The following CCDC171 variants were observed in gnomAD, a reference collection of about 807,000 sequenced individuals.
The protein encoded by CCDC171 is coiled-coil domain containing 171.
CCDC171 carries 177 observed loss-of-function variants against 168.2 expected under a neutral mutation model. The ratio of observed to expected loss-of-function variants is 1.05; its 90% CI spans 0.93 to 1.19. The LOEUF (loss-of-function observed/expected upper bound fraction) is 1.19, where lower values mean the gene tolerates loss of function less well. CCDC171 is among the 50% of genes most tolerant of loss of function. The probability of loss-of-function intolerance (pLI) is 0.00; values close to 1 mark genes in which losing one functional copy is unlikely to be tolerated. For missense variants in CCDC171, 1,991 were observed against 1,539.0 expected (o/e 1.29, Z -4.91); for synonymous variants, 687 against 540.8 (o/e 1.27, Z -3.75).
intron 3 of CCDC171, among the ~76,000 whole-genome samples, chr9:15,989,856 A>C (rs1211865801): frequency 1.3e-5 from 2 of 152,170 alleles, no homozygotes; most frequent in Admixed American, 1.3e-4. Context: ...AATGAAATGA[A>C]GTGAGAAGAG....
chr9:16,038,524 A>G (rs1272092466), upstream of CCDC171, among the ~76,000 whole-genome samples: 3 of 152,272 alleles, frequency 2.0e-5, no homozygotes, highest in African/African-American at 7.2e-5. Flanking sequence ...ATGTAAGGGT[A>G]ACATCTAAAA....
chr9:15,706,363 C>T (rs1181975387), intron 11 of CCDC171, among the ~76,000 whole-genome samples: 2 of 152,006 alleles, frequency 1.3e-5, no homozygotes, highest in African/African-American at 2.4e-5. Flanking sequence ...AGTCATGGCT[C>T]ACTGCAGTCT....
intron 25 of CCDC171, among the ~76,000 whole-genome samples, chr9:15,967,429 T>G (rs958449768): frequency 5.3e-5 from 8 of 152,256 alleles, no homozygotes; most frequent in African/African-American, 1.9e-4. Context: ...GTTATCTATT[T>G]GGCTTTATTT....
Position 15,779,091 on chromosome 9 carries a change from A to G in CCDC171, c.3022A>G (p.Lys1008Glu). ...TEFKRSVNEM[K>E]KELDKAQGLQ... Reference sequence around the variant, plus strand: ...ATTCAAACGAAGTGTGAATGAAATGAAAAAGGAGCTTGACAAAGCCCAGGG... The same window carrying G: ...ATTCAAACGAAGTGTGAATGAAATGGAAAAGGAGCTTGACAAAGCCCAGGG... Residue 1008 changes from lysine to glutamate, a missense_variant, in exon 20 of 26, where the codon AAA (lysine) becomes GAA (glutamate). Physicochemically the swap from Lys to Glu is moderately conservative, Grantham distance 56. Transcript: ENST00000380701. The G allele has an allele frequency of 1.2e-6, 2 of 1,602,574 alleles. No homozygotes were observed. The highest frequency in any genetic ancestry group is 1.1e-5 in the South Asian group (1 of 87,718).
chr9:16,082,193 T>G, the CCDC171 span, among the ~76,000 whole-genome samples: 1 of 152,246 alleles, frequency 6.6e-6, no homozygotes, highest in African/African-American at 2.4e-5. Flanking sequence ...GGAAAGGTAT[T>G]TCGTGTCTTC....
At chr9:15,882,215 A>G (rs974115835) in intron 24 of CCDC171, among the ~76,000 whole-genome samples, 6 of 152,156 alleles carry the variant, frequency 3.9e-5, no homozygotes, top group Non-Finnish European at 8.8e-5. Context: ...CTTTTCATAT[A>G]CTGTTGACCA....
At chr9:15,739,034 A>G (rs971017699) in intron 16 of CCDC171, among the ~76,000 whole-genome samples, 6 of 152,318 alleles carry the variant, frequency 3.9e-5, no homozygotes, top group African/African-American at 1.4e-4. Context: ...ACCTCTAGGA[A>G]CTAGCAATCT....
intron 6 of CCDC171, among the ~76,000 whole-genome samples, chr9:15,612,377 C>G (rs559975616): frequency 1.3e-5 from 2 of 152,150 alleles, no homozygotes; most frequent in African/African-American, 4.8e-5. Flanking sequence ...CTATCATTTT[C>G]TCCACCATTC....
chr9:15,676,944 A>G (rs976483908), intron 9 of CCDC171, among the ~76,000 whole-genome samples: 1 of 152,144 alleles, frequency 6.6e-6, no homozygotes, highest in East Asian at 1.9e-4. Context: ...ATTATTATAC[A>G]TGATAAAATA....
At chr9:15,558,873 G>A (rs1371245640) in intron 1 of CCDC171, among the ~76,000 whole-genome samples, 1 of 152,120 alleles carries the variant, frequency 6.6e-6, no homozygotes, top group African/African-American at 2.4e-5. Context: ...GGCATTTAGT[G>A]CTATAAATTT....
chr9:15,812,719 G>C (rs745889770), intron 21 of CCDC171, among the ~76,000 whole-genome samples: 1 of 152,134 alleles, frequency 6.6e-6, no homozygotes, highest in Non-Finnish European at 1.5e-5. Context: ...CTACTGTCAG[G>C]ATAGAAGGAT....
At chr9:15,618,211 A>G (rs2044236510) in intron 6 of CCDC171, among the ~76,000 whole-genome samples, 1 of 152,166 alleles carries the variant, frequency 6.6e-6, no homozygotes, top group Non-Finnish European at 1.5e-5. Flanking sequence ...TCCTGCAGAG[A>G]TGCCCTGCCC....
intron 25 of CCDC171, among the ~76,000 whole-genome samples, chr9:15,966,530 C>G (rs1830804680): frequency 6.6e-6 from 1 of 152,096 alleles, no homozygotes; most frequent in African/African-American, 2.4e-5. Flanking sequence ...AGATAGAATG[C>G]TGAATGTCTG....
upstream of CCDC171, among the ~76,000 whole-genome samples, chr9:16,042,139 A>G (rs540780067): frequency 7.9e-5 from 12 of 152,336 alleles, no homozygotes; most frequent in South Asian, 2.5e-3. Context: ...ACTCTTGCGA[A>G]GCTAGTGGTA....
chr9:15,610,218 T>C (rs1173126977), intron 6 of CCDC171, among the ~76,000 whole-genome samples: 5 of 151,538 alleles, frequency 3.3e-5, no homozygotes, highest in Non-Finnish European at 5.9e-5. Flanking sequence ...TCTTGTCTTC[T>C]TTTCTTTTCT....
intron 6 of CCDC171, among the ~76,000 whole-genome samples, chr9:15,599,860 TTTCTCTAAAC>T (rs1416516375): frequency 6.6e-6 from 1 of 152,190 alleles, no homozygotes; most frequent in Non-Finnish European, 1.5e-5. Context: ...TTTACTCTTT[TTTCTCTAAAC>T]TTCTCTTCTC....
chr9:15,633,525 C>G (rs1430679915), intron 7 of CCDC171, among the ~76,000 whole-genome samples: 2 of 152,148 alleles, frequency 1.3e-5, no homozygotes, highest in Non-Finnish European at 2.9e-5. Flanking sequence ...CAGGAAACAA[C>G]AGGTGCTGGA....
intron 21 of CCDC171, among the ~76,000 whole-genome samples, chr9:15,795,778 C>G (rs1331414285): frequency 1.3e-5 from 2 of 152,174 alleles, no homozygotes; most frequent in Admixed American, 1.3e-4. Context: ...CTACTCAGGA[C>G]TGTGGGTGGG....
chr9:15,664,694 G>GT (rs71325927), intron 8 of CCDC171, among the ~76,000 whole-genome samples: 3,537 of 99,426 alleles, frequency 0.036, 329 homozygotes, highest in African/African-American at 0.15. Flanking sequence ...ATATAGTTTT[G>GT]TTTTTTTTTT....
Sources: allele counts gnomAD v4.1 joint callset (sites outside exome capture counted in the v4.1 genomes callset), GRCh38; gene constraint gnomAD v4.1.1; transcripts MANE v1.5; gene names NCBI Gene and HGNC (gene_info 2026-07-23, HGNC 2026-07-21).